TRPS1: variants seen among roughly 807,000 people sequenced by gnomAD.
TRPS1 encodes the protein transcriptional repressor GATA binding 1, also known as zinc finger transcription factor Trps1.
In TRPS1, 6 loss-of-function variants were observed where a neutral mutation model predicts 101.2. The observed-to-expected ratio is 0.06, with a 90% confidence interval of 0.03 to 0.12. The LOEUF (loss-of-function observed/expected upper bound fraction) is 0.12. TRPS1 is among the 10% of genes least tolerant of loss of function. The pLI is 1.00. For synonymous variants in TRPS1, 578 were observed against 589.8 expected (o/e 0.98, Z 0.29); for missense variants, 1,363 against 1,567.0 (o/e 0.87, Z 2.20).
At chr8:115,479,373 T>C (rs1279772561) in intron 5 of TRPS1, among the ~76,000 whole-genome samples, 1 of 152,138 alleles carries the variant, frequency 6.6e-6, no homozygotes, top group Non-Finnish European at 1.5e-5. Context: ...AAAGTTTCCA[T>C]AGACAAAATG....
chr8:115,516,958 T>C (rs1815727588), intron 5 of TRPS1, among the ~76,000 whole-genome samples: 1 of 151,444 alleles, frequency 6.6e-6, no homozygotes, highest in African/African-American at 2.4e-5. Flanking sequence ...AGGAAAGTCC[T>C]AATGCTCCTT....
intron 5 of TRPS1, among the ~76,000 whole-genome samples, chr8:115,451,382 G>A (rs1813869566): frequency 1.3e-5 from 2 of 151,004 alleles, no homozygotes; most frequent in Admixed American, 1.3e-4. Flanking sequence ...TCATCATCTT[G>A]CATTTTAAAT....
rs1030451258 is a variant in TRPS1, at chr8:115,413,556, C to T, written c.*467G>A. Reference sequence around the variant, plus strand: ...TTGCCCTGGACCTTCAATTTCTCCTCCTCTGCCTAGGGTTTCATGATCATT... The same window carrying T: ...TTGCCCTGGACCTTCAATTTCTCCTTCTCTGCCTAGGGTTTCATGATCATT... On this transcript the variant is annotated 3_prime_UTR_variant, in exon 7 of 7. Transcript: ENST00000395715. The T allele has an allele frequency of 6.5e-6, 1 of 154,208 alleles. No individual in the cohort carries two copies. Among genetic ancestry groups the T allele is most frequent in the Non-Finnish European group, 1.4e-5 (1 of 69,208 alleles). 9.6% of individuals were successfully genotyped at this position (154,208 alleles called of 1,614,324 possible).
At chr8:115,480,611 T>C (rs551186076) in intron 5 of TRPS1, among the ~76,000 whole-genome samples, 2 of 152,190 alleles carry the variant, frequency 1.3e-5, no homozygotes, top group Admixed American at 1.3e-4. Context: ...TCAAATCTCT[T>C]AATGTGTAAC....
intron 1 of TRPS1, among the ~76,000 whole-genome samples, chr8:115,662,691 TA>T (rs751548438): frequency 2.0e-3 from 212 of 107,572 alleles, no homozygotes; most frequent in East Asian, 7.4e-3. Flanking sequence ...TGACTATTTA[TA>T]AAAAAAAAAA....
chr8:115,576,382 G>A (rs1290978213), intron 5 of TRPS1, among the ~76,000 whole-genome samples: 4 of 151,868 alleles, frequency 2.6e-5, no homozygotes, highest in Non-Finnish European at 4.4e-5. Flanking sequence ...AAGTTGCCTC[G>A]GGTATCAATT....
At chr8:115,507,248 G>A (rs971191405) in intron 5 of TRPS1, among the ~76,000 whole-genome samples, 4 of 152,038 alleles carry the variant, frequency 2.6e-5, no homozygotes, top group African/African-American at 9.7e-5. Context: ...GGGCTCGTAC[G>A]AGAAGAAGGG....
chr8:115,640,016 G>A (rs999238846), intron 1 of TRPS1, among the ~76,000 whole-genome samples: 1 of 152,084 alleles, frequency 6.6e-6, no homozygotes, highest in Non-Finnish European at 1.5e-5. Context: ...TATAGTAAAT[G>A]TACAGTATGT....
chr8:115,478,209 AAGAT>A (rs1424504548), intron 5 of TRPS1, among the ~76,000 whole-genome samples: 1 of 152,212 alleles, frequency 6.6e-6, no homozygotes, highest in East Asian at 1.9e-4. Context: ...GTGATATAGA[AAGAT>A]AGAGTTTCAT....
chr8:115,666,783 A>T (rs1226401361), intron 1 of TRPS1, among the ~76,000 whole-genome samples: 1 of 152,232 alleles, frequency 6.6e-6, no homozygotes, highest in African/African-American at 2.4e-5. Context: ...GCCAACAACC[A>T]GGCCCAGAGT....
At chr8:115,656,650 T>A (rs1211193481) in intron 1 of TRPS1, among the ~76,000 whole-genome samples, 1 of 152,142 alleles carries the variant, frequency 6.6e-6, no homozygotes, top group Non-Finnish European at 1.5e-5. Flanking sequence ...CACTGTTTTT[T>A]TGAAGTGAAA....
chr8:115,466,706 G>A (rs192273942), intron 5 of TRPS1, among the ~76,000 whole-genome samples: 32 of 152,212 alleles, frequency 2.1e-4, no homozygotes, highest in Non-Finnish European at 1.0e-4. Context: ...TTTGAGTAGG[G>A]ACTGCTCTTT....
chr8:115,480,986 A>C (rs553693356), intron 5 of TRPS1, among the ~76,000 whole-genome samples: 1 of 152,260 alleles, frequency 6.6e-6, no homozygotes, highest in South Asian at 2.1e-4. Flanking sequence ...GAAAATATTA[A>C]ATGCCCTTCT....
At chr8:115,590,358 A>C (rs969454038) in intron 4 of TRPS1, among the ~76,000 whole-genome samples, 2 of 152,184 alleles carry the variant, frequency 1.3e-5, no homozygotes, top group Admixed American at 6.5e-5. Flanking sequence ...GTTCCTTGAC[A>C]TGGTGAGATC....
chr8:115,638,236 C>T (rs1426730643), intron 1 of TRPS1, among the ~76,000 whole-genome samples: 5 of 152,126 alleles, frequency 3.3e-5, no homozygotes, highest in South Asian at 4.1e-4. Context: ...CAAAACTCCC[C>T]GGTAATCACT....
intron 5 of TRPS1, among the ~76,000 whole-genome samples, chr8:115,564,304 T>C (rs1413298463): frequency 6.6e-6 from 1 of 152,162 alleles, no homozygotes; most frequent in Non-Finnish European, 1.5e-5. Context: ...TTTTTAACCC[T>C]ATATTAAGTG....
At chr8:115,640,370 T>C (rs1368264660) in intron 1 of TRPS1, among the ~76,000 whole-genome samples, 1 of 152,220 alleles carries the variant, frequency 6.6e-6, no homozygotes, top group Non-Finnish European at 1.5e-5. Flanking sequence ...ATGGAAAACA[T>C]GCATTTCCTT....
chr8:115,513,498 T>C (rs1162746529), intron 5 of TRPS1, among the ~76,000 whole-genome samples: 2 of 151,702 alleles, frequency 1.3e-5, no homozygotes, highest in African/African-American at 4.8e-5. Context: ...CTTATTTCTA[T>C]CCATTGTAAA....
intron 1 of TRPS1, among the ~76,000 whole-genome samples, chr8:115,657,809 G>A (rs951301672): frequency 6.6e-5 from 10 of 151,754 alleles, no homozygotes; most frequent in Non-Finnish European, 1.0e-4. Flanking sequence ...ACATAGAAAT[G>A]GAATAGCAAA....
Sources: gnomAD v4.1 joint callset for allele counts (sites outside exome capture counted in the v4.1 genomes callset) on GRCh38, gnomAD v4.1.1 for gene constraint, MANE v1.5 for transcripts, NCBI Gene and HGNC (gene_info 2026-07-23, HGNC 2026-07-21) for gene names.